RGL1: variants seen among roughly 807,000 people sequenced by gnomAD.
The protein encoded by RGL1 is ral guanine nucleotide dissociation stimulator-like 1.
Under a neutral mutation model 95.2 loss-of-function variants are expected in RGL1, and 24 were observed. The observed-to-expected ratio is 0.25, with a 90% CI of 0.18 to 0.35. The LOEUF is 0.35. Among genes scored for constraint, RGL1 ranks in the 10% least tolerant of loss-of-function variants. RGL1 has a pLI of 1.00. For synonymous variants in RGL1, 329 were observed against 344.9 expected (o/e 0.95, Z 0.51); for missense variants, 715 against 936.3 (o/e 0.76, Z 3.08).
intron 14 of RGL1, among the ~76,000 whole-genome samples, chr1:183,908,418 C>T (rs759593906): frequency 4.6e-5 from 7 of 152,216 alleles, no homozygotes; most frequent in Non-Finnish European, 8.8e-5. Context: ...TGGGTTGGAA[C>T]ATGCGCTTTA....
chr1:183,774,201 G>T (rs1659462882), intron 2 of RGL1, among the ~76,000 whole-genome samples: 1 of 152,182 alleles, frequency 6.6e-6, no homozygotes, highest in Admixed American at 6.5e-5. Context: ...GGAAGAAAGT[G>T]CAGAGGCTTC....
chr1:183,893,457 C>G (rs532812480), intron 9 of RGL1, among the ~76,000 whole-genome samples: 1 of 152,042 alleles, frequency 6.6e-6, no homozygotes, highest in Non-Finnish European at 1.5e-5. Flanking sequence ...CATGTAAAAC[C>G]AAAGTATGCA....
chr1:183,826,030 A>AATCG (rs60148270), intron 2 of RGL1, among the ~76,000 whole-genome samples: 2 of 143,812 alleles, frequency 1.4e-5, no homozygotes, highest in Non-Finnish European at 3.1e-5. Context: ...TCAATCAATC[A>AATCG]ATCGCAACTC....
At chr1:183,674,057 A>C (rs1652653975) in intron 1 of RGL1, among the ~76,000 whole-genome samples, 1 of 152,128 alleles carries the variant, frequency 6.6e-6, no homozygotes, top group Non-Finnish European at 1.5e-5. Context: ...TGCTAAACTC[A>C]GGTCTGGTTT....
intron 13 of RGL1, among the ~76,000 whole-genome samples, chr1:183,906,561 A>AAGAGAC (rs1423916431): frequency 9.9e-5 from 15 of 152,110 alleles, no homozygotes; most frequent in Non-Finnish European, 2.2e-4. Flanking sequence ...AAGTCTCTTC[A>AAGAGAC]TTTTCTTTAG....
At chr1:183,905,735 G>C (rs977165061) in intron 13 of RGL1, among the ~76,000 whole-genome samples, 1 of 152,154 alleles carries the variant, frequency 6.6e-6, no homozygotes, top group Non-Finnish European at 1.5e-5. Flanking sequence ...CCTGTAGCCT[G>C]CTCGCTTGTT....
chr1:183,839,286 G>A (rs938345207), intron 2 of RGL1, among the ~76,000 whole-genome samples: 13 of 152,124 alleles, frequency 8.5e-5, no homozygotes, highest in Admixed American at 3.9e-4. Flanking sequence ...CCATTGGCAT[G>A]TAATTCAGTA....
chr1:183,660,725 A>G (rs1651556022), intron 1 of RGL1, among the ~76,000 whole-genome samples: 1 of 151,946 alleles, frequency 6.6e-6, no homozygotes, highest in African/African-American at 2.4e-5. Context: ...ACATCTACAG[A>G]ACTCTCCACC....
At chr1:183,677,775 C>T (rs371596148) in intron 1 of RGL1, among the ~76,000 whole-genome samples, 1 of 152,186 alleles carries the variant, frequency 6.6e-6, no homozygotes, top group South Asian at 2.1e-4. Flanking sequence ...GTCACATCAC[C>T]ATGAGTTAGG....
At chr1:183,694,659 C>G (rs374922463) in intron 1 of RGL1, among the ~76,000 whole-genome samples, 1 of 152,218 alleles carries the variant, frequency 6.6e-6, no homozygotes, top group African/African-American at 2.4e-5. Context: ...AGTTTACCAT[C>G]TGATTTATAT....
chr1:183,703,032 G>T (rs1654696936), intron 1 of RGL1, among the ~76,000 whole-genome samples: 1 of 152,182 alleles, frequency 6.6e-6, no homozygotes, highest in Admixed American at 6.5e-5. Flanking sequence ...CTTCCGGCCA[G>T]TTCTCTTCCT....
rs60220835 is a variant in RGL1, at chr1:183,656,113, C to CTTTTTTTTT, written c.-33+19614_-33+19622dup. Among the ~76,000 whole-genome samples, 5 of 145,018 alleles carry CTTTTTTTTT rather than the reference C, an allele frequency of 3.4e-5. 1 individual carries two copies. Among genetic ancestry groups the CTTTTTTTTT allele is most frequent in the Non-Finnish European group, 1.5e-5 (1 of 66,146 alleles). ...GACCAAGTTTTTTTTCTTTTCTTTT[C>CTTTTTTTTT]TTTTTTTTTTCTCATGAAAACAGGA... On this transcript the variant is annotated intron_variant, in intron 1 of 18. Transcript: ENST00000304685.
chr1:183,637,146 C>T (rs912335478), intron 1 of RGL1, among the ~76,000 whole-genome samples: 1 of 152,226 alleles, frequency 6.6e-6, no homozygotes, highest in African/African-American at 2.4e-5. Flanking sequence ...GTGCACTTTA[C>T]AAGATTGTTC....
intron 1 of RGL1, among the ~76,000 whole-genome samples, chr1:183,729,987 G>A (rs1245533856): frequency 2.6e-5 from 4 of 152,128 alleles, no homozygotes; most frequent in African/African-American, 9.7e-5. Context: ...CTGGGAAGGG[G>A]CTTAAGAGAA....
chr1:183,843,584 G>GA (rs1240676338), intron 2 of RGL1, among the ~76,000 whole-genome samples: 1 of 152,032 alleles, frequency 6.6e-6, no homozygotes. Context: ...AATACTCGGT[G>GA]AAAAAATAGT....
rs1558228480 is a variant in RGL1, at chr1:183,821,880, A to G, written c.138+15395A>G. Among the ~76,000 whole-genome samples the G allele has an allele frequency of 3.3e-5, 5 of 152,206 alleles. No homozygotes were observed. The South Asian group carries it at 8.3e-4, about 25-fold the overall frequency. ...ATGATTTCCTAATGACCTTAGAGCC[A>G]AGATGAATTGGACAGGGTTCCTTGT... On this transcript the variant is annotated intron_variant, in intron 2 of 17. Transcript: ENST00000360851.
intron 1 of RGL1, among the ~76,000 whole-genome samples, chr1:183,733,659 A>C (rs1656764241): frequency 6.6e-6 from 1 of 152,226 alleles, no homozygotes; most frequent in Admixed American, 6.5e-5. Context: ...CATTCAGAGA[A>C]GGAACAACAT....
chr1:183,744,628 T>C (rs1395953826), intron 2 of RGL1, among the ~76,000 whole-genome samples: 2 of 152,222 alleles, frequency 1.3e-5, no homozygotes, highest in Admixed American at 1.3e-4. Context: ...ATATTCAATA[T>C]ACAGTATTGA....
At chr1:183,798,873 AT>A (rs1357652912) in intron 2 of RGL1, among the ~76,000 whole-genome samples, 2 of 125,740 alleles carry the variant, frequency 1.6e-5, no homozygotes, top group African/African-American at 6.0e-5. Context: ...AGATGGCAGG[AT>A]TTCCTTTTTT....
Sources: allele counts gnomAD v4.1 joint callset (sites outside exome capture counted in the v4.1 genomes callset), GRCh38; gene constraint gnomAD v4.1.1; transcripts MANE v1.5; gene names NCBI Gene and HGNC (gene_info 2026-07-23, HGNC 2026-07-21).